MRPS9: variants seen among roughly 807,000 people sequenced by gnomAD.
The protein encoded by MRPS9 is mitochondrial ribosomal protein S9.
In MRPS9, 45 loss-of-function variants were observed where a neutral mutation model predicts 59.9. The ratio of observed to expected loss-of-function variants is 0.75; its 90% CI spans 0.59 to 0.96. The LOEUF (loss-of-function observed/expected upper bound fraction) is 0.96. Among genes scored for constraint, MRPS9 ranks in the 40% least tolerant of loss-of-function variants. MRPS9 has a pLI of 0.00. For synonymous variants in MRPS9, 171 were observed against 166.8 expected (o/e 1.03, Z -0.19); for missense variants, 473 against 481.1 (o/e 0.98, Z 0.16).
chr2:105,090,398 C>G lies in MRPS9; in HGVS notation c.651+403C>G, dbSNP rs116265100. Among the ~76,000 whole-genome samples, 695 of 152,342 alleles carry G rather than the reference C, an allele frequency of 4.6e-3. 3 individuals carry two copies. The highest frequency in any genetic ancestry group is 7.2e-3 in the Non-Finnish European group (487 of 68,038). On this transcript the variant is annotated intron_variant, in intron 7 of 10. Transcript: ENST00000258455. ...GAAAAGGGATGCAGCACATGGTTAC[C>G]TTCATGCAGTTTACTGCTTACCTTG...
rs1033292072 is a variant in MRPS9, at chr2:105,046,592, C to T, written c.136-2579C>T. 5.9e-5 allele frequency among the ~76,000 whole-genome samples: 9 copies of T among 152,000 alleles called. No homozygotes were observed. In the Middle Eastern group the frequency reaches 0.01, roughly 172 times the overall value. On this transcript the variant is annotated intron_variant, in intron 1 of 10. Coordinates refer to ENST00000258455, the MANE Select transcript of MRPS9 (RefSeq NM_182640.3). Reference sequence around the variant, plus strand: ...TCTCACACACATTCTCAAATTTGAACGCATCACTTTCCTCCCTGATCTTGC... The same window carrying T: ...TCTCACACACATTCTCAAATTTGAATGCATCACTTTCCTCCCTGATCTTGC...
chr2:105,060,017 T>TTAA (rs1435403442), intron 2 of MRPS9, among the ~76,000 whole-genome samples: 1 of 100,604 alleles, frequency 9.9e-6, no homozygotes, highest in Non-Finnish European at 1.9e-5. Flanking sequence ...GGAAAACTGC[T>TTAA]AAAAAAAAAA....
rs150881779 is a variant in MRPS9, at chr2:105,092,442, G to A, written c.693G>A (p.Ser231=). The A allele has an allele frequency of 3.7e-6, 6 of 1,613,192 alleles. No individual in the cohort carries two copies. Among genetic ancestry groups the A allele is most frequent in the Middle Eastern group, 1.7e-4 (1 of 6,060 alleles). The stretch of plus-strand genomic sequence containing the variant: ...GGCTGCTAGAAAAGTTATTGACATC[G>A]CAGTGTGGTGCTGCTGAGGAAGAAT... ...FIRLLEKLLT[S]QCGAAEEEFV... Residue 231 remains serine, a synonymous_variant, in exon 8 of 11, where the codon TCG becomes TCA. Transcript: ENST00000258455.
Position 105,043,820 on chromosome 2 carries a change from T to G in MRPS9, c.136-5351T>G, listed in dbSNP as rs143251940. ...CAGCTGATTTTTATATTTTTAGTAG[T>G]GACAAGGTTTCACTTTGTTGGCCAG... On this transcript the variant is annotated intron_variant, in intron 1 of 10. Coordinates refer to ENST00000258455, the MANE Select transcript of MRPS9 (RefSeq NM_182640.3). Among the ~76,000 whole-genome samples, 467 of 149,942 alleles carry G rather than the reference T, an allele frequency of 3.1e-3. 2 individuals carry two copies. Among genetic ancestry groups the G allele is most frequent in the African/African-American group, 0.011 (441 of 40,772 alleles).
chr2:105,083,869 C>A (rs540499059), intron 5 of MRPS9, among the ~76,000 whole-genome samples: 1 of 152,262 alleles, frequency 6.6e-6, no homozygotes, highest in East Asian at 1.9e-4. Context: ...CTACTCCAAA[C>A]CCCTTTTAAT....
chr2:105,089,132 G>C (rs1294628012), intron 6 of MRPS9, 63 bp downstream of exon 6: 5 of 1,316,252 alleles, frequency 3.8e-6, no homozygotes, highest in Non-Finnish European at 3.2e-6. Context: ...CCACTCATTG[G>C]TATTTTTTTA....
intron 1 of MRPS9, among the ~76,000 whole-genome samples, chr2:105,038,822 G>T (rs954502600): frequency 2.0e-5 from 3 of 152,182 alleles, no homozygotes; most frequent in African/African-American, 7.2e-5. Context: ...ACTGACATGC[G>T]ATCTCAGAGC....
At chr2:105,040,969 A>G (rs983032093) in intron 1 of MRPS9, among the ~76,000 whole-genome samples, 4 of 152,216 alleles carry the variant, frequency 2.6e-5, no homozygotes, top group African/African-American at 4.8e-5. Flanking sequence ...GCATAAGGGT[A>G]TAGAGATGTA....
intron 2 of MRPS9, among the ~76,000 whole-genome samples, chr2:105,058,081 G>A (rs1679828320): frequency 6.6e-6 from 1 of 152,194 alleles, no homozygotes; most frequent in East Asian, 1.9e-4. Flanking sequence ...GATTTGCTGT[G>A]CCCATTCCAT....
At chr2:105,097,067 T>G in intron 9 of MRPS9, 88 bp from the exon 10 acceptor site, 2 of 1,314,504 alleles carry the variant, frequency 1.5e-6, no homozygotes, top group East Asian at 5.4e-5. Context: ...CAGAATATTG[T>G]TTTTATGAAT....
At chr2:105,071,623 T>A (rs868515831) in intron 4 of MRPS9, 134 bp downstream of exon 4, 2 of 766,200 alleles carry the variant, frequency 2.6e-6, no homozygotes, top group South Asian at 1.9e-5. Flanking sequence ...GGTCAAAAAA[T>A]TTTGTAACAA....
intron 7 of MRPS9, chr2:105,091,410 A>G (rs1366420977): frequency 6.4e-6 from 3 of 470,866 alleles, no homozygotes; most frequent in Non-Finnish European, 1.3e-5. Flanking sequence ...AGGAGCATGG[A>G]GCTCTGCCCA....
chr2:105,053,584 A>T (rs1013256675), intron 2 of MRPS9, among the ~76,000 whole-genome samples: 2 of 152,202 alleles, frequency 1.3e-5, no homozygotes, highest in African/African-American at 4.8e-5. Flanking sequence ...CATCTAGAAT[A>T]CGTTTTTAAT....
chr2:105,097,722 A>G (rs1028522661), intron 10 of MRPS9, among the ~76,000 whole-genome samples: 6 of 152,108 alleles, frequency 3.9e-5, no homozygotes, highest in African/African-American at 1.4e-4. Flanking sequence ...TTTGTTTTTT[A>G]AACAGTCTCT....
At chr2:105,069,749 A>T (rs905443753) in intron 2 of MRPS9, among the ~76,000 whole-genome samples, 1 of 151,874 alleles carries the variant, frequency 6.6e-6, no homozygotes, top group Non-Finnish European at 1.5e-5. Flanking sequence ...ATTAAGGCTC[A>T]TGTGTGTAAT....
At chr2:105,088,037 G>A (rs1046255637) in intron 5 of MRPS9, among the ~76,000 whole-genome samples, 2 of 151,206 alleles carry the variant, frequency 1.3e-5, no homozygotes, top group African/African-American at 2.4e-5. Flanking sequence ...TTGAGATATG[G>A]ATTGACACAT....
chr2:105,044,723 A>C (rs1043523649), intron 1 of MRPS9, among the ~76,000 whole-genome samples: 57 of 152,346 alleles, frequency 3.7e-4, no homozygotes, highest in African/African-American at 1.3e-3. Context: ...TGAAAAACCA[A>C]GTCTTCAATA....
chr2:105,091,398 A>AGAG (rs1680555591), intron 7 of MRPS9: 1 of 471,010 alleles, frequency 2.1e-6, no homozygotes, highest in South Asian at 1.5e-5. Context: ...CAGTGACTGG[A>AGAG]GAGGAGCATG....
At chr2:105,091,425 A>G (rs1558763159) in intron 7 of MRPS9, 1 of 470,898 alleles carries the variant, frequency 2.1e-6, no homozygotes, top group Non-Finnish European at 4.4e-6. Flanking sequence ...TGCCCACCCA[A>G]TATCCTAGGT....
Sources: gnomAD v4.1 joint callset for allele counts (sites outside exome capture counted in the v4.1 genomes callset) on GRCh38, gnomAD v4.1.1 for gene constraint, MANE v1.5 for transcripts, NCBI Gene and HGNC (gene_info 2026-07-23, HGNC 2026-07-21) for gene names.